Variants in ZC3H13 observed in about 807,000 individuals in gnomAD.
ZC3H13 encodes zinc finger CCCH-type containing 13, also known as zinc finger CCCH domain-containing protein 13.
Under a neutral mutation model 204.1 loss-of-function variants are expected in ZC3H13, and 64 were observed. The observed-to-expected ratio is 0.31, with a 90% CI of 0.26 to 0.39. The LOEUF is 0.39. ZC3H13 is among the 10% of genes least tolerant of loss of function. The pLI, the probability that ZC3H13 is intolerant of heterozygous loss-of-function variation, is 1.00. For synonymous variants in ZC3H13, 667 were observed against 693.7 expected (o/e 0.96, Z 0.60); for missense variants, 1,833 against 2,082.7 (o/e 0.88, Z 2.33).
rs552837126 is a variant in ZC3H13, at chr13:46,026,030, TCA to T, written c.340-5475_340-5474del. On this transcript the variant is annotated intron_variant, in intron 4 of 18. Coordinates refer to ENST00000679008, the MANE Select transcript of ZC3H13 (RefSeq NM_001330564.2). ...TAATATTTTGAAATTTTGAAATTAT[TCA>T]CAGATCTGCAGTTTCAGATCCTTTC... is the stretch of plus-strand genomic sequence containing the variant. 2.4e-3 allele frequency among the ~76,000 whole-genome samples: 358 copies of T among 152,234 alleles called. 4 individuals are homozygous for T. Among genetic ancestry groups the T allele is most frequent in the African/African-American group, 8.0e-3 (332 of 41,554 alleles).
At chr13:46,033,827 A>G (rs1371846819) in intron 4 of ZC3H13, among the ~76,000 whole-genome samples, 1 of 152,128 alleles carries the variant, frequency 6.6e-6, no homozygotes, top group Non-Finnish European at 1.5e-5. Flanking sequence ...ATATAACTGG[A>G]CTTCATTCAA....
At chr13:46,017,861 A>G (rs993143572) in intron 5 of ZC3H13, among the ~76,000 whole-genome samples, 18 of 152,176 alleles carry the variant, frequency 1.2e-4, no homozygotes, top group African/African-American at 4.3e-4. Flanking sequence ...ATACTTTCAA[A>G]TCACAGAGAT....
rs1159080859 is a variant in ZC3H13, at chr13:45,975,579, ATCTCTCTCTTTTTCTCTT to A, written c.2154_2171del (p.Glu718_Arg723del). 1 of 1,556,422 alleles carries A rather than the reference ATCTCTCTCTTTTTCTCTT, an allele frequency of 6.4e-7. No homozygotes were observed. On this transcript the variant is annotated inframe_deletion, in exon 12 of 19. Coordinates refer to ENST00000679008, the MANE Select transcript of ZC3H13 (RefSeq NM_001330564.2). ...GGTCTCGGTCTCTATCCCTTTCACGATCTCTCTCTTTTTCTCTTTCTCTCTCCCGTTCCCTAGCACGCT... is the reference window on the plus strand; with the variant it reads ...GGTCTCGGTCTCTATCCCTTTCACGATCTCTCTCCCGTTCCCTAGCACGCT...
At chr13:45,994,329 T>C (rs1415788764) in intron 8 of ZC3H13, among the ~76,000 whole-genome samples, 2 of 152,234 alleles carry the variant, frequency 1.3e-5, no homozygotes, top group Non-Finnish European at 2.9e-5. Context: ...TCAAAAGTTA[T>C]ACAAGGATTT....
intron 10 of ZC3H13, among the ~76,000 whole-genome samples, chr13:45,983,839 A>T (rs12430030): frequency 0.015 from 2,226 of 152,286 alleles, 19 homozygotes; most frequent in South Asian, 0.053. Context: ...AACATCTGTT[A>T]AGAGAATCTA....
chr13:45,958,196 A>T (rs1174116401), intron 18 of ZC3H13, among the ~76,000 whole-genome samples: 2 of 152,168 alleles, frequency 1.3e-5, no homozygotes, highest in Non-Finnish European at 1.5e-5. Context: ...TCTGTTTTTT[A>T]AAAATTGAAT....
intron 4 of ZC3H13, among the ~76,000 whole-genome samples, chr13:46,029,140 A>C (rs2042721140): frequency 6.6e-6 from 1 of 152,208 alleles, no homozygotes; most frequent in Admixed American, 6.5e-5. Context: ...AATCCCATGA[A>C]CATTAAAAAT....
At chr13:45,978,972 T>C (rs1012188728) in intron 11 of ZC3H13, among the ~76,000 whole-genome samples, 1 of 152,104 alleles carries the variant, frequency 6.6e-6, no homozygotes, top group Non-Finnish European at 1.5e-5. Context: ...AACTTTATTC[T>C]TCTCCCACTA....
chr13:45,981,512 G>A (rs1953606191), intron 10 of ZC3H13, among the ~76,000 whole-genome samples: 1 of 151,996 alleles, frequency 6.6e-6, no homozygotes, highest in African/African-American at 2.4e-5. Flanking sequence ...TAATGGGATG[G>A]CTGGGTCAAA....
chr13:46,040,582 C>CA (rs913288923), intron 4 of ZC3H13, among the ~76,000 whole-genome samples: 66 of 150,918 alleles, frequency 4.4e-4, no homozygotes, highest in African/African-American at 1.1e-3. Context: ...ACAATAATAA[C>CA]AAAAAAAACA....
At chr13:45,964,143 G>A in intron 16 of ZC3H13, 101 bp from the exon 17 acceptor site, 1 of 1,191,556 alleles carries the variant, frequency 8.4e-7, no homozygotes, top group Non-Finnish European at 1.2e-6. Flanking sequence ...CAGAAAAAAT[G>A]AAAAGTACTT....
chr13:45,976,808 T>C (rs1593504759), intron 11 of ZC3H13, among the ~76,000 whole-genome samples: 1 of 152,208 alleles, frequency 6.6e-6, no homozygotes, highest in African/African-American at 2.4e-5. Flanking sequence ...ATATATCTAC[T>C]GGTTTTTGAT....
At chr13:46,048,314 A>T (rs566678210) in intron 1 of ZC3H13, among the ~76,000 whole-genome samples, 1 of 152,158 alleles carries the variant, frequency 6.6e-6, no homozygotes, top group South Asian at 2.1e-4. Flanking sequence ...GCGGTGGCTC[A>T]CGCCTGTAAT....
At chr13:45,995,611 C>T (rs142196823) in intron 8 of ZC3H13, among the ~76,000 whole-genome samples, 3 of 152,308 alleles carry the variant, frequency 2.0e-5, no homozygotes, top group African/African-American at 7.2e-5. Flanking sequence ...ACTAACAAAG[C>T]TTTTGGAAAT....
intron 8 of ZC3H13, among the ~76,000 whole-genome samples, chr13:45,993,480 A>G (rs940521968): frequency 3.3e-5 from 5 of 152,332 alleles, no homozygotes; most frequent in Admixed American, 6.5e-5. Context: ...AAGAATAGAA[A>G]GAAGCCAAGT....
At chr13:46,024,309 C>T (rs1480343796) in intron 4 of ZC3H13, among the ~76,000 whole-genome samples, 1 of 152,148 alleles carries the variant, frequency 6.6e-6, no homozygotes, top group Non-Finnish European at 1.5e-5. Flanking sequence ...CTTCTAAGGT[C>T]TTTTTCCATC....
chr13:45,959,781 G>A, intron 17 of ZC3H13, 135 bp from the exon 18 acceptor site: 1 of 1,000,654 alleles, frequency 1.0e-6, no homozygotes, highest in East Asian at 2.9e-5. Flanking sequence ...CACATTAAAG[G>A]CAATATATTC....
At chr13:46,013,086 T>C (rs2041673351) in intron 5 of ZC3H13, among the ~76,000 whole-genome samples, 1 of 152,164 alleles carries the variant, frequency 6.6e-6, no homozygotes, top group African/African-American at 2.4e-5. Context: ...TTTTCAACTA[T>C]CCAACCAAGG....
chr13:46,018,598 TTGAAGG>T (rs1248185226), intron 5 of ZC3H13, among the ~76,000 whole-genome samples: 1 of 152,050 alleles, frequency 6.6e-6, no homozygotes, highest in East Asian at 1.9e-4. Flanking sequence ...AAAACTTAGT[TTGAAGG>T]TGTGGTAGGA....
Sources: gnomAD v4.1 joint callset for allele counts (sites outside exome capture counted in the v4.1 genomes callset) on GRCh38, gnomAD v4.1.1 for gene constraint, MANE v1.5 for transcripts, NCBI Gene and HGNC (gene_info 2026-07-23, HGNC 2026-07-21) for gene names.